The following ZMYM3 variants were observed in gnomAD, a reference collection of about 807,000 sequenced individuals.
ZMYM3 encodes the protein zinc finger MYM-type protein 3.
A neutral mutation model predicts 94.2 loss-of-function variants in ZMYM3; 6 were observed. The ratio of observed to expected loss-of-function variants is 0.06; its 90% CI spans 0.03 to 0.13. The LOEUF is 0.13. Among genes scored for constraint, ZMYM3 ranks in the 10% least tolerant of loss-of-function variants. The probability of loss-of-function intolerance (pLI) is 1.00; values close to 1 mark genes in which losing one functional copy is unlikely to be tolerated. For synonymous variants in ZMYM3, 420 were observed against 426.5 expected, an observed-to-expected ratio of 0.98 and a Z score of 0.19; for missense variants, 664 against 1,132.6, an observed-to-expected ratio of 0.59 and a Z score of 5.94.
chrX:71,244,663 T>C, intron 19 of ZMYM3, 127 bp downstream of exon 19: 2 of 782,627 alleles, frequency 2.6e-6, no homozygotes, highest in South Asian at 5.3e-5. Context: ...TGGCTTTATC[T>C]CAGTACTTCT....
rs1198545114 is a variant in ZMYM3, at chrX:71,247,326, C to G, written c.2314+19G>C. 1 of 1,172,946 alleles carries G rather than the reference C, an allele frequency of 8.5e-7. No individual in the cohort carries two copies. The highest frequency in any genetic ancestry group is 1.9e-5 in the South Asian group (1 of 53,065). ...TCCAGGCTCCCTCTAACAGAGTGTACCCCCTGCCTGGGACTCACTGTTCAG... is the reference window on the plus strand; with the variant it reads ...TCCAGGCTCCCTCTAACAGAGTGTAGCCCCTGCCTGGGACTCACTGTTCAG... On this transcript the variant is annotated intron_variant, in intron 13 of 24. Transcript: ENST00000314425.
intron 19 of ZMYM3, 110 bp from the exon 20 acceptor site, chrX:71,244,580 A>C (rs2030081452): frequency 1.0e-6 from 1 of 959,118 alleles, no homozygotes; most frequent in Non-Finnish European, 1.4e-6. Context: ...ATGTAAGCAC[A>C]CAGCAAGCTT....
intron 4 of ZMYM3, 40 bp from the exon 5 acceptor site, chrX:71,250,766 A>G: frequency 3.5e-6 from 4 of 1,131,509 alleles, no homozygotes; most frequent in Non-Finnish European, 4.7e-6. Context: ...AGGCCACCAA[A>G]CCAGGTCTCC....
rs1280362948 is a variant in ZMYM3, at chrX:71,249,454, G to A, written c.1470+7C>T. 2 of 1,181,185 alleles carry A rather than the reference G, an allele frequency of 1.7e-6. No individual in the cohort carries two copies. The highest frequency in any genetic ancestry group is 3.1e-5 in the East Asian group (1 of 32,037). On this transcript the variant is annotated splice_region_variant and intron_variant, in intron 7 of 24. Transcript: ENST00000314425. ...AGCCCTCTAATGCACTACTCCCTCGGCCCCACCTTCTTGTACGCCCCCAAG... is the reference window on the plus strand; with the variant it reads ...AGCCCTCTAATGCACTACTCCCTCGACCCCACCTTCTTGTACGCCCCCAAG...
chrX:71,248,334 G>A, intron 10 of ZMYM3, 22 bp from the exon 11 acceptor site: 1 of 1,194,559 alleles, frequency 8.4e-7, no homozygotes, highest in Non-Finnish European at 1.1e-6. Context: ...GCACAGGGCA[G>A]GGAGGACAAG....
chrX:71,248,925 G>A, intron 8 of ZMYM3, 94 bp downstream of exon 8: 2 of 1,153,607 alleles, frequency 1.7e-6, no homozygotes, highest in Middle Eastern at 3.0e-4. Flanking sequence ...GGTTGGGACT[G>A]AGGTCGGGCA....
rs1881111622 is a variant in ZMYM3, at chrX:71,240,021, A to T, written c.*895T>A. On this transcript the variant is annotated 3_prime_UTR_variant, in exon 25 of 25. Transcript: ENST00000314425. Reference sequence around the variant, plus strand: ...ATAGGCTTGGCCTAGCTCTTATGATAGGGGAACAATAGAGGGGAACCCAGC... The same window carrying T: ...ATAGGCTTGGCCTAGCTCTTATGATTGGGGAACAATAGAGGGGAACCCAGC... 1 of 112,529 alleles carries T rather than the reference A, an allele frequency of 8.9e-6. No homozygotes were observed. Among genetic ancestry groups the T allele is most frequent in the Non-Finnish European group, 1.9e-5 (1 of 53,236 alleles). 9.3% of individuals were successfully genotyped at this position (112,529 alleles called of 1,213,427 possible).
rs1378974239 is a variant in ZMYM3 at position 71,250,736 on chromosome X, T to C, written c.779-10A>G. ...TCATCTGACACTGGAACTGAGAAAG[T>C]GGGGGGATGGACATGAGAAAGGCCA... is the stretch of plus-strand genomic sequence containing the variant. On this transcript the variant is annotated splice_polypyrimidine_tract_variant and intron_variant, in intron 4 of 24. Coordinates refer to ENST00000314425, the MANE Select transcript of ZMYM3 (RefSeq NM_201599.3). 4 of 1,175,939 alleles carry C rather than the reference T, an allele frequency of 3.4e-6. No homozygotes were observed. The East Asian group carries it at 1.2e-4, about 36-fold the overall frequency.
rs752870185 is a variant in ZMYM3 at position 71,248,318 on chromosome X, G to T, written c.1825-6C>A. 1.7e-6 allele frequency: 2 copies of T among 1,200,139 alleles called. No individual in the cohort carries two copies. The highest frequency in any genetic ancestry group is 2.3e-4 in the Middle Eastern group (1 of 4,307). ...CAGAACTGGAACACTTGGTCCTGAG[G>T]TGGGGGCACAGGGCAGGGAGGACAA... On this transcript the variant is annotated splice_polypyrimidine_tract_variant and splice_region_variant and intron_variant, in intron 10 of 24. Transcript: ENST00000314425.
In ZMYM3 at chrX:71,240,565, G is replaced by A. The variant is rs2029904877; in HGVS notation, c.*351C>T. 1 of 177,491 alleles carries A rather than the reference G, an allele frequency of 5.6e-6. No individual in the cohort carries two copies. Among genetic ancestry groups the A allele is most frequent in the Non-Finnish European group, 1.1e-5 (1 of 94,664 alleles). 14.6% of individuals were successfully genotyped at this position (177,491 alleles called of 1,213,427 possible). ...CAAGAGGCTCTACCTATGCGGGATGGGTCAGGAAACCCAAAGCCAACAGGA... is the reference window on the plus strand; with the variant it reads ...CAAGAGGCTCTACCTATGCGGGATGAGTCAGGAAACCCAAAGCCAACAGGA... On this transcript the variant is annotated 3_prime_UTR_variant, in exon 25 of 25. Transcript: ENST00000314425.
In ZMYM3 at chrX:71,251,579, C is replaced by T. The variant is rs754523262; in HGVS notation, c.690G>A (p.Ala230=). The T allele has an allele frequency of 1.8e-5, 22 of 1,191,088 alleles. No homozygotes were observed. In the South Asian group the frequency reaches 2.6e-4, roughly 14 times the overall value. ...SLPGDGLTAK[A]SEKPPERKRS... is the part of the protein sequence containing the mutation. Reference sequence around the variant, plus strand: ...TCACCCGTTCAGGCGGCTTCTCACTCGCCTTCGCAGTCAGGCCATCTCCTG... The same window carrying T: ...TCACCCGTTCAGGCGGCTTCTCACTTGCCTTCGCAGTCAGGCCATCTCCTG... Residue 230 remains alanine, a synonymous_variant, in exon 3 of 25, where the codon GCG becomes GCA. Transcript: ENST00000314425.
At chrX:71,242,862 C>T (rs2030004189) in intron 22 of ZMYM3, 108 bp downstream of exon 22, 5 of 744,695 alleles carry the variant, frequency 6.7e-6, no homozygotes, top group Non-Finnish European at 1.0e-5. Context: ...CGCTCCTGCC[C>T]TCGGGCCCTT....
At chrX:71,242,037 G>T in intron 23 of ZMYM3, 133 bp downstream of exon 23, 1 of 892,132 alleles carries the variant, frequency 1.1e-6, no homozygotes, top group Non-Finnish European at 1.5e-6. Context: ...TACCCTTTCT[G>T]CACACAGGAA....
chrX:71,243,795 A>G, intron 21 of ZMYM3, 34 bp downstream of exon 21: 1 of 1,206,312 alleles, frequency 8.3e-7, no homozygotes, highest in Non-Finnish European at 1.1e-6. Flanking sequence ...CTGTGTTAAG[A>G]GTGACAGGAA....
In ZMYM3 at chrX:71,249,137, G is replaced by A. The variant is rs756478690; in HGVS notation, c.1503C>T (p.Cys501=). Residue 501 remains cysteine (C), a synonymous_variant, in exon 8 of 25, where the codon TGC becomes TGT. Coordinates refer to ENST00000314425, the MANE Select transcript of ZMYM3 (RefSeq NM_201599.3). ...KNTRVYPCVW[C]KTLCKNFEML... Reference sequence around the variant, plus strand: ...TCTCAAAGTTCTTACACAGGGTCTTGCACCAGACACATGGGTACACACGTG... The same window carrying A: ...TCTCAAAGTTCTTACACAGGGTCTTACACCAGACACATGGGTACACACGTG... 8.3e-7 allele frequency: 1 copy of A among 1,210,239 alleles called. No homozygotes were observed. Among genetic ancestry groups the A allele is most frequent in the Admixed American group, 2.2e-5 (1 of 45,807 alleles).
rs1347746865 is a variant in ZMYM3 at position 71,248,142 on chromosome X, G to A, written c.1975+20C>T. The A allele has an allele frequency of 8.3e-7, 1 of 1,208,712 alleles. No individual in the cohort carries two copies. Among genetic ancestry groups the A allele is most frequent in the Admixed American group, 2.2e-5 (1 of 45,851 alleles). On this transcript the variant is annotated intron_variant, in intron 11 of 24. Coordinates refer to ENST00000314425, the MANE Select transcript of ZMYM3 (RefSeq NM_201599.3). ...CTGGCTGGGAGTTATAGTGTCTTCT[G>A]CCCTTCCCCATCTCCTTACCTTCGC...
At chrX:71,243,207 G>T in intron 21 of ZMYM3, 123 bp from the exon 22 acceptor site, 1 of 578,225 alleles carries the variant, frequency 1.7e-6, no homozygotes, top group Non-Finnish European at 2.8e-6. Context: ...ACAGTTGCTT[G>T]ATTAGGTGGC....
At chrX:71,254,432 A>C, upstream of ZMYM3, 1 of 111,786 alleles carries the variant, frequency 8.9e-6, no homozygotes, top group African/African-American at 3.3e-5. Context: ...CCAAGGGCCG[A>C]GTGCGCTCAC....
At chrX:71,243,643 G>C in intron 21 of ZMYM3, 186 bp downstream of exon 21, 1 of 444,746 alleles carries the variant, frequency 2.2e-6, no homozygotes, top group South Asian at 5.5e-5. Context: ...TTTTTGGGTA[G>C]ATGGGTATCA....
Sources: allele counts gnomAD v4.1 joint callset, GRCh38; gene constraint gnomAD v4.1.1; transcripts MANE v1.5; gene names NCBI Gene and HGNC (gene_info 2026-07-23, HGNC 2026-07-21).